Variants in SLC35D2 observed in about 807,000 individuals in gnomAD.
SLC35D2 encodes nucleotide sugar transporter SLC35D2.
A neutral mutation model predicts 41.8 loss-of-function variants in SLC35D2; 43 were observed. The observed-to-expected ratio is 1.03, with a 90% CI of 0.81 to 1.33. SLC35D2 has a LOEUF of 1.33. Ranked by LOEUF, SLC35D2 falls within the 40% of genes most tolerant of loss-of-function variation. The pLI, the probability that SLC35D2 is intolerant of heterozygous loss-of-function variation, is 0.00. For synonymous variants in SLC35D2, 150 were observed against 163.9 expected (o/e 0.92, Z 0.65); for missense variants, 380 against 408.4 (o/e 0.93, Z 0.60).
At chr9:96,326,185 T>C (rs1292969558) in intron 9 of SLC35D2, among the ~76,000 whole-genome samples, 1 of 150,658 alleles carries the variant, frequency 6.6e-6, no homozygotes, top group Non-Finnish European at 1.5e-5. Context: ...ATTTCTAAAT[T>C]TGGTTTATTC....
chr9:96,345,433 A>G (rs756661548), intron 6 of SLC35D2, 32 bp from the exon 7 acceptor site: 1 of 1,277,128 alleles, frequency 7.8e-7, no homozygotes, highest in South Asian at 1.2e-5. Flanking sequence ...GAGAATGATT[A>G]CTCAAAAACT....
At chr9:96,331,648 G>T (rs1828814415) in intron 9 of SLC35D2, among the ~76,000 whole-genome samples, 1 of 152,090 alleles carries the variant, frequency 6.6e-6, no homozygotes, top group African/African-American at 2.4e-5. Context: ...TTGGAAAAAT[G>T]AACCTCTAAA....
intron 8 of SLC35D2, among the ~76,000 whole-genome samples, chr9:96,338,434 T>C (rs1257074894): frequency 1.3e-5 from 2 of 151,930 alleles, no homozygotes; most frequent in Non-Finnish European, 2.9e-5. Context: ...TGCACACTTG[T>C]AGTCCCAGCT....
chr9:96,329,843 T>C (rs998509567), intron 9 of SLC35D2, among the ~76,000 whole-genome samples: 1 of 152,220 alleles, frequency 6.6e-6, no homozygotes, highest in African/African-American at 2.4e-5. Context: ...TCTATATTAG[T>C]CAGCGTTCCC....
chr9:96,369,012 G>T (rs1011014564), intron 1 of SLC35D2, among the ~76,000 whole-genome samples: 1 of 152,002 alleles, frequency 6.6e-6, no homozygotes, highest in Non-Finnish European at 1.5e-5. Flanking sequence ...TGATCTGCCC[G>T]CCTTGGCCTC....
chr9:96,317,866 T>G (rs889577043), downstream of SLC35D2, among the ~76,000 whole-genome samples: 1 of 87,098 alleles, frequency 1.1e-5, no homozygotes, highest in Admixed American at 1.1e-4. Flanking sequence ...CTACCAAAAA[T>G]ACAAAAAAAA....
At chr9:96,324,288 A>C in intron 9 of SLC35D2, 119 bp from the exon 10 acceptor site, 2 of 682,686 alleles carry the variant, frequency 2.9e-6, no homozygotes, top group Non-Finnish European at 2.5e-6. Context: ...AGAAACACAT[A>C]TCATAAAGGT....
At chr9:96,383,056 A>G (rs1831275090) in intron 1 of SLC35D2, among the ~76,000 whole-genome samples, 1 of 152,226 alleles carries the variant, frequency 6.6e-6, no homozygotes, top group African/African-American at 2.4e-5. Flanking sequence ...TTCCATGAAC[A>G]CGCTGGTCAT....
intron 8 of SLC35D2, among the ~76,000 whole-genome samples, chr9:96,338,731 T>C (rs1295963279): frequency 6.6e-6 from 1 of 152,080 alleles, no homozygotes; most frequent in Non-Finnish European, 1.5e-5. Flanking sequence ...ATAATAAATA[T>C]AAATCTGTCT....
rs572437917 is a variant in SLC35D2 at position 96,355,897 on chromosome 9, C to T, written c.348-3788G>A. ...ATCAAAAGACCTTAAGTTATTAAAA[C>T]CTTATGTTATTAAAAATACTCTTCA... On this transcript the variant is annotated intron_variant, in intron 4 of 11. Coordinates refer to ENST00000253270, the MANE Select transcript of SLC35D2 (RefSeq NM_007001.3). Among the ~76,000 whole-genome samples the T allele has an allele frequency of 1.1e-4, 16 of 152,302 alleles. No individual in the cohort carries two copies. The East Asian group carries it at 3.1e-3, about 29-fold the overall frequency.
At chr9:96,327,729 C>T (rs1372406019) in intron 9 of SLC35D2, among the ~76,000 whole-genome samples, 1 of 151,632 alleles carries the variant, frequency 6.6e-6, no homozygotes, top group African/African-American at 2.4e-5. Flanking sequence ...TCAAGCAATC[C>T]TCCCACCTCA....
At chr9:96,337,889 G>A (rs1237664527) in intron 8 of SLC35D2, among the ~76,000 whole-genome samples, 4 of 150,866 alleles carry the variant, frequency 2.7e-5, no homozygotes, top group Non-Finnish European at 4.4e-5. Flanking sequence ...GGCTGAGGCA[G>A]GAGAATCACT....
intron 9 of SLC35D2, among the ~76,000 whole-genome samples, chr9:96,336,107 G>A (rs936258379): frequency 6.6e-6 from 1 of 151,476 alleles, no homozygotes; most frequent in African/African-American, 2.4e-5. Context: ...CTAACTGTTG[G>A]ACAATACAAC....
intron 10 of SLC35D2, among the ~76,000 whole-genome samples, chr9:96,322,855 C>G (rs1214949032): frequency 1.3e-5 from 2 of 151,378 alleles, no homozygotes; most frequent in Non-Finnish European, 2.9e-5. Context: ...GTAGCTGGGA[C>G]TACAGGGCAC....
chr9:96,342,036 C>G (rs1158408410), intron 8 of SLC35D2, among the ~76,000 whole-genome samples: 3 of 151,630 alleles, frequency 2.0e-5, no homozygotes, highest in Non-Finnish European at 2.9e-5. Flanking sequence ...AAAAAAAAAC[C>G]CTCGTTTCTA....
rs1426961719 is a variant in SLC35D2 at position 96,382,413 on chromosome 9, C to T, written c.158+1064G>A. Among the ~76,000 whole-genome samples the T allele has an allele frequency of 4.6e-4, 69 of 151,418 alleles. 1 individual carries two copies. The Admixed American group carries it at 4.6e-3, about 10-fold the overall frequency. On this transcript the variant is annotated intron_variant, in intron 1 of 11. Coordinates refer to ENST00000253270, the MANE Select transcript of SLC35D2 (RefSeq NM_007001.3). Reference sequence around the variant, plus strand: ...AGGCTGCAGTGAGTCATGATTGTGTCACTACACTCCAGCCTAGGCAACAGA... The same window carrying T: ...AGGCTGCAGTGAGTCATGATTGTGTTACTACACTCCAGCCTAGGCAACAGA...
In SLC35D2 at chr9:96,371,580, T is replaced by C. The variant is rs140944864; in HGVS notation, c.159-3275A>G. On this transcript the variant is annotated intron_variant, in intron 1 of 11. Transcript: ENST00000253270. ...TTTTTCATTGATCTTAGACCTCTTA[T>C]ATTTAGAGGGATCTTTTAACACTTT... Among the ~76,000 whole-genome samples the C allele has an allele frequency of 4.0e-3, 610 of 151,174 alleles. 4 individuals carry two copies. Among genetic ancestry groups the C allele is most frequent in the African/African-American group, 0.014 (588 of 41,378 alleles).
intron 3 of SLC35D2, among the ~76,000 whole-genome samples, chr9:96,362,770 T>C (rs991045533): frequency 6.6e-6 from 1 of 152,142 alleles, no homozygotes; most frequent in African/African-American, 2.4e-5. Context: ...TAAGAGTAAG[T>C]AAGCCCAGTA....
At chr9:96,361,799 G>A (rs770508424) in intron 3 of SLC35D2, among the ~76,000 whole-genome samples, 4 of 151,736 alleles carry the variant, frequency 2.6e-5, no homozygotes, top group Admixed American at 6.6e-5. Flanking sequence ...GAAGGTGGCC[G>A]TCTGTAAGCC....
Sources: allele counts gnomAD v4.1 joint callset (sites outside exome capture counted in the v4.1 genomes callset), GRCh38; gene constraint gnomAD v4.1.1; transcripts MANE v1.5; gene names NCBI Gene and HGNC (gene_info 2026-07-23, HGNC 2026-07-21).